Variants in ZNF827 observed in about 807,000 individuals in gnomAD.
ZNF827 encodes zinc finger protein 827.
In ZNF827, 13 loss-of-function variants were observed where a neutral mutation model predicts 102.4. The observed-to-expected ratio is 0.13, with a 90% CI of 0.08 to 0.20. The LOEUF is 0.20. Among genes scored for constraint, ZNF827 ranks in the 10% least tolerant of loss-of-function variants. The pLI, the probability that ZNF827 is intolerant of heterozygous loss-of-function variation, is 1.00. For synonymous variants in ZNF827, 523 were observed against 536.2 expected (o/e 0.98, Z 0.34); for missense variants, 1,103 against 1,344.4 (o/e 0.82, Z 2.81).
At chr4:145,913,526 C>T (rs1019248862) in intron 1 of ZNF827, among the ~76,000 whole-genome samples, 2 of 151,646 alleles carry the variant, frequency 1.3e-5, no homozygotes, top group Non-Finnish European at 2.9e-5. Flanking sequence ...TCCTTACATC[C>T]TTACTCACGT....
chr4:145,853,032 A>G (rs1044344467), intron 5 of ZNF827, among the ~76,000 whole-genome samples: 4 of 152,232 alleles, frequency 2.6e-5, no homozygotes, highest in African/African-American at 9.6e-5. Flanking sequence ...CCACGGCTCT[A>G]AAGTTTTTGC....
chr4:145,846,389 A>C (rs1056204138), intron 6 of ZNF827, among the ~76,000 whole-genome samples: 3 of 152,114 alleles, frequency 2.0e-5, no homozygotes, highest in African/African-American at 7.2e-5. Context: ...GAGGCAGGAG[A>C]ATGGCGTGAA....
intron 8 of ZNF827, among the ~76,000 whole-genome samples, chr4:145,788,754 T>A (rs1739255328): frequency 6.6e-6 from 1 of 152,198 alleles, no homozygotes; most frequent in Non-Finnish European, 1.5e-5. Flanking sequence ...TTCTTAATGA[T>A]GATGGTAAGA....
chr4:145,862,994 A>G (rs1405116783), intron 5 of ZNF827, among the ~76,000 whole-genome samples: 1 of 152,238 alleles, frequency 6.6e-6, no homozygotes, highest in African/African-American at 2.4e-5. Flanking sequence ...TGCAAATCAT[A>G]TATCTGAGAA....
At chr4:145,854,789 GC>G (rs2126681316) in intron 5 of ZNF827, among the ~76,000 whole-genome samples, 1 of 152,294 alleles carries the variant, frequency 6.6e-6, no homozygotes, top group South Asian at 2.1e-4. Context: ...CCCTCTGTGA[GC>G]AGCCTTCCTG....
Position 145,804,949 on chromosome 4 carries a change from C to T in ZNF827, c.2383+18473G>A, listed in dbSNP as rs114084754. On this transcript the variant is annotated intron_variant, in intron 8 of 14. Coordinates refer to ENST00000508784, the MANE Select transcript of ZNF827 (RefSeq NM_001306215.2). Reference sequence around the variant, plus strand: ...TGATATAACATTTAGAAAATGCCATCATTGGTGGCTTTAGGATTGTAAATC... The same window carrying T: ...TGATATAACATTTAGAAAATGCCATTATTGGTGGCTTTAGGATTGTAAATC... Among the ~76,000 whole-genome samples the T allele has an allele frequency of 9.4e-3, 1,432 of 152,284 alleles. 24 individuals carry two copies. The highest frequency in any genetic ancestry group is 8.4e-3 in the Non-Finnish European group (572 of 68,018).
intron 7 of ZNF827, chr4:145,832,671 C>T (rs1048101044): frequency 6.6e-5 from 10 of 152,270 alleles, no homozygotes; most frequent in Admixed American, 2.6e-4. Flanking sequence ...ACGTATATGC[C>T]TAGATGGCCT....
At chr4:145,884,106 C>A (rs566265161) in intron 4 of ZNF827, among the ~76,000 whole-genome samples, 2 of 152,314 alleles carry the variant, frequency 1.3e-5, no homozygotes, top group South Asian at 4.1e-4. Context: ...GAGCCAGAGT[C>A]AGAAACTTGG....
chr4:145,803,219 C>T lies in ZNF827; in HGVS notation c.2383+20203G>A, dbSNP rs1443699879. Among the ~76,000 whole-genome samples the T allele has an allele frequency of 2.0e-5, 3 of 152,024 alleles. No homozygotes were observed. In the East Asian group the frequency reaches 5.8e-4, roughly 29 times the overall value. On this transcript the variant is annotated intron_variant, in intron 8 of 14. Coordinates refer to ENST00000508784, the MANE Select transcript of ZNF827 (RefSeq NM_001306215.2). ...GGTTTTCTTCAAAAAATTTTAAAAGCCACCAACTCAGTACATCATTTCACC... is the reference window on the plus strand; with the variant it reads ...GGTTTTCTTCAAAAAATTTTAAAAGTCACCAACTCAGTACATCATTTCACC...
At chr4:145,908,760 A>G (rs938459535) in intron 1 of ZNF827, among the ~76,000 whole-genome samples, 1 of 152,240 alleles carries the variant, frequency 6.6e-6, no homozygotes, top group Non-Finnish European at 1.5e-5. Flanking sequence ...GAGACACAAC[A>G]GTCTCTGGCA....
Position 145,845,970 on chromosome 4 carries a change from G to A in ZNF827, c.2265C>T (p.Ile755=), listed in dbSNP as rs765974699. The A allele has an allele frequency of 3.7e-6, 6 of 1,614,076 alleles. No individual in the cohort carries two copies. The South Asian group carries it at 6.6e-5, about 18-fold the overall frequency. Residue 755 remains isoleucine (I), a synonymous_variant, in exon 7 of 15, where the codon ATC becomes ATT. Coordinates refer to ENST00000508784, the MANE Select transcript of ZNF827 (RefSeq NM_001306215.2). ...KEHNHTKENT[I]RTTTSPFFSE... Reference sequence around the variant, plus strand: ...AAGTCGCCTACCTGGTCGTGGTCCGGATGGTGTTTTCTTTTGTATGATTGT... The same window carrying A: ...AAGTCGCCTACCTGGTCGTGGTCCGAATGGTGTTTTCTTTTGTATGATTGT...
rs201352785 is a variant in ZNF827 at position 145,870,292 on chromosome 4, C to A, written c.1934G>T (p.Arg645Leu). Residue 645 changes from arginine (R) to leucine (L), a missense_variant, in exon 5 of 15, where the codon CGG (arginine) becomes CTG (leucine). Around this residue, in one of 5 missense-constraint regions of ZNF827, gnomAD observed 243 missense variants for 251.6 expected, o/e 0.97. Transcript: ENST00000508784. ...AGAGGCTGCTTTGACTGACACATCC[C>A]GCCTTAGCACACTTCCCTTCCCTTC... ...PQEGKGSVLRRDVSVKAASEL... is the reference protein window; with the variant it reads ...PQEGKGSVLRLDVSVKAASEL... 6.2e-7 allele frequency: 1 copy of A among 1,614,122 alleles called. No homozygotes were observed.
Position 145,758,359 on chromosome 4 carries a change from C to T in ZNF827, c.*3257G>A, listed in dbSNP as rs1054828028. 6.6e-6 allele frequency: 1 copy of T among 152,182 alleles called. No homozygotes were observed. Among genetic ancestry groups the T allele is most frequent in the Non-Finnish European group, 1.5e-5 (1 of 68,034 alleles). The allele number at this position is 152,182 out of a possible 1,614,324, so 9.4% of individuals were successfully genotyped here. ...CTTGAAAGTTTCAACCCTAGACCTC[C>T]TATTGCACAAGTGGCATGCTGTAAA... On this transcript the variant is annotated 3_prime_UTR_variant, in exon 15 of 15. Coordinates refer to ENST00000508784, the MANE Select transcript of ZNF827 (RefSeq NM_001306215.2).
At position 145,904,787 on chromosome 4, in the gene ZNF827, G is replaced by A. The variant is rs541313472; in HGVS notation, c.44-1572C>T. Among the ~76,000 whole-genome samples, 13 of 152,348 alleles carry A rather than the reference G, an allele frequency of 8.5e-5. No homozygotes were observed. In the East Asian group the frequency reaches 1.3e-3, roughly 16 times the overall value. ...GTGGGGTCACACAGATCTACAGGAC[G>A]TTGTGAACTGCAGAAAGGTCTTCTG... On this transcript the variant is annotated intron_variant, in intron 1 of 14. Transcript: ENST00000508784.
At chr4:145,898,989 G>T (rs965936252) in intron 2 of ZNF827, among the ~76,000 whole-genome samples, 1 of 152,016 alleles carries the variant, frequency 6.6e-6, no homozygotes, top group African/African-American at 2.4e-5. Context: ...TGAAAGCCCT[G>T]CCTGAAATCA....
At chr4:145,812,797 G>A (rs1349003220) in intron 8 of ZNF827, among the ~76,000 whole-genome samples, 3 of 152,140 alleles carry the variant, frequency 2.0e-5, no homozygotes, top group Non-Finnish European at 4.4e-5. Context: ...CAAAGTGCTC[G>A]GATTACAGGT....
chr4:145,917,439 C>T (rs1244306711), intron 1 of ZNF827, among the ~76,000 whole-genome samples: 1 of 152,036 alleles, frequency 6.6e-6, no homozygotes, highest in Non-Finnish European at 1.5e-5. Context: ...GAGGGCCAAA[C>T]TGGTTTTTGT....
Position 145,870,394 on chromosome 4 carries a change from G to A in ZNF827, c.1832C>T (p.Pro611Leu), listed in dbSNP as rs1351454735. The A allele has an allele frequency of 1.9e-6, 3 of 1,614,106 alleles. No homozygotes were observed. The highest frequency in any genetic ancestry group is 2.2e-5 in the East Asian group (1 of 44,874). Reference protein sequence around the residue: ...KEGESLSTTLPRSSYVFSPES... With the variant: ...KEGESLSTTLLRSSYVFSPES... ...CGGGCTGAACACATAGCTGGACCGAGGCAAAGTCGTGCTTAGGGACTCCCC... is the reference window on the plus strand; with the variant it reads ...CGGGCTGAACACATAGCTGGACCGAAGCAAAGTCGTGCTTAGGGACTCCCC... The change falls in exon 5 of 15, where the codon CCT becomes CTT. Residue 611 changes from proline to leucine, a missense_variant. By Grantham distance (98) the Pro-to-Leu change is moderately conservative. Transcript: ENST00000508784.
Position 145,761,470 on chromosome 4 carries a change from G to A in ZNF827, c.*146C>T, listed in dbSNP as rs891632035. The A allele has an allele frequency of 9.3e-6, 12 of 1,289,748 alleles. No individual in the cohort carries two copies. The highest frequency in any genetic ancestry group is 7.6e-5 in the African/African-American group (5 of 65,874). The allele number at this position is 1,289,748 out of a possible 1,614,324, so 79.9% of individuals were successfully genotyped here. ...GCCCAGGCGGTGCTCCCGGGTGTGCGTCTCCAGCTCCAGCTGGTTGGCCTT... is the reference window on the plus strand; with the variant it reads ...GCCCAGGCGGTGCTCCCGGGTGTGCATCTCCAGCTCCAGCTGGTTGGCCTT... On this transcript the variant is annotated 3_prime_UTR_variant, in exon 15 of 15. Transcript: ENST00000508784. This position sits in a 1 kb window ranked among gnomAD's most constrained non-coding sequence, Gnocchi z 6.8.
Sources: gnomAD v4.1 joint callset for allele counts (sites outside exome capture counted in the v4.1 genomes callset) on GRCh38, gnomAD v4.1.1 for gene constraint, gnomAD v4.1.1 regional missense constraint, Gnocchi (gnomAD v3.1) non-coding constraint, MANE v1.5 for transcripts, NCBI Gene and HGNC (gene_info 2026-07-23, HGNC 2026-07-21) for gene names.